PPP2R2D: variants seen among roughly 807,000 people sequenced by gnomAD.
The protein encoded by PPP2R2D is protein phosphatase 2 regulatory subunit Bdelta.
PPP2R2D carries 9 observed loss-of-function variants against 31.1 expected under a neutral mutation model. That is an observed-to-expected ratio of 0.29 (90% CI 0.17 to 0.51). The LOEUF (loss-of-function observed/expected upper bound fraction) is 0.51, where lower values mean the gene tolerates loss of function less well. PPP2R2D is among the 20% of genes least tolerant of loss of function. PPP2R2D has a pLI of 0.98. For synonymous variants in PPP2R2D, 179 were observed against 172.6 expected (o/e 1.04, Z -0.29); for missense variants, 391 against 465.6 (o/e 0.84, Z 1.48).
At position 131,901,035 on chromosome 10, in the gene PPP2R2D, G is replaced by GCGGCGGCGGCGC. The variant is rs1230966003; in HGVS notation, c.-107_-96dup. The GCGGCGGCGGCGC allele has an allele frequency of 3.1e-5, 5 of 159,320 alleles. No homozygotes were observed. In the South Asian group the frequency reaches 5.2e-4, roughly 17 times the overall value. 9.9% of individuals were successfully genotyped at this position (159,320 alleles called of 1,614,324 possible). On this transcript the variant is annotated 5_prime_UTR_variant, in exon 1 of 9. Transcript: ENST00000455566. ...AAATCCCTCCCCGGCGGCGGCGGCGGCGGCGGCGGCGCCGGCGGTGGTGGC... is the reference window on the plus strand; with the variant it reads ...AAATCCCTCCCCGGCGGCGGCGGCGGCGGCGGCGGCGCCGGCGGCGGCGCCGGCGGTGGTGGC...
At chr10:131,943,393 G>T (rs140232417) in intron 5 of PPP2R2D, among the ~76,000 whole-genome samples, 1 of 152,190 alleles carries the variant, frequency 6.6e-6, no homozygotes, top group Non-Finnish European at 1.5e-5. Flanking sequence ...TAAGTGACCA[G>T]CTCCATGAAT....
intron 2 of PPP2R2D, among the ~76,000 whole-genome samples, chr10:131,909,119 G>A (rs1190108231): frequency 6.6e-6 from 1 of 152,198 alleles, no homozygotes; most frequent in Non-Finnish European, 1.5e-5. Context: ...GGAAGGGGAG[G>A]AGAATGTTCC....
In PPP2R2D at chr10:131,901,274, A is replaced by G. The variant is rs2035488847; in HGVS notation, c.44A>G (p.Asp15Gly). The G allele has an allele frequency of 5.6e-6, 2 of 359,478 alleles. No individual in the cohort carries two copies. The highest frequency in any genetic ancestry group is 9.9e-6 in the Non-Finnish European group (2 of 201,152). The allele number at this position is 359,478 out of a possible 1,614,324, so 22.3% of individuals were successfully genotyped here. A position where few individuals can be genotyped will look rare whatever the true frequency, so the allele number is the denominator to read the frequency against. ...GGCGGCTGCCCCGCGGGCGGCAACG[A>G]CTTCCAGTGGTGCTTCTCGCAGGTC... ...GGGGCPAGGN[D>G]FQWCFSQVKG... The change falls in exon 2 of 9, where the codon GAC becomes GGC. Residue 15 changes from aspartate (D) to glycine (G), a missense_variant. Transcript: ENST00000455566.
chr10:131,938,668 G>C (rs1160515065), intron 3 of PPP2R2D, among the ~76,000 whole-genome samples: 1 of 152,342 alleles, frequency 6.6e-6, no homozygotes, highest in Non-Finnish European at 1.5e-5. Flanking sequence ...TACGTAAGCA[G>C]CACCTCACTC....
downstream of PPP2R2D, among the ~76,000 whole-genome samples, chr10:131,962,101 A>G (rs934590194): frequency 5.3e-5 from 8 of 152,208 alleles, no homozygotes; most frequent in African/African-American, 1.7e-4. Context: ...AATATCTCCA[A>G]TCAGAACCTT....
rs35300098 is a variant in PPP2R2D, at chr10:131,958,354, G to A, written c.*2391G>A. 0.14 allele frequency: 20,700 copies of A among 150,202 alleles called. 1,790 individuals are homozygous for A. The highest frequency in any genetic ancestry group is 0.21 in the African/African-American group (7,022 of 33,368). 9.3% of individuals were successfully genotyped at this position (150,202 alleles called of 1,614,324 possible). On this transcript the variant is annotated 3_prime_UTR_variant, in exon 9 of 9. Coordinates refer to ENST00000455566, the MANE Select transcript of PPP2R2D (RefSeq NM_018461.5). ...AGATGAAGGGGTGTGCTGATCCCCC[G>A]TCTTCCTGTGGAGATGAAGGTGTGT...
Position 131,945,579 on chromosome 10 carries a change from C to T in PPP2R2D, c.820+120C>T. The T allele has an allele frequency of 1.6e-6, 2 of 1,219,746 alleles. No homozygotes were observed. Among genetic ancestry groups the T allele is most frequent in the Non-Finnish European group, 2.2e-6 (2 of 891,710 alleles). 75.6% of individuals were successfully genotyped at this position (1,219,746 alleles called of 1,614,324 possible). A position where few individuals can be genotyped will look rare whatever the true frequency, so the allele number is the denominator to read the frequency against. On this transcript the variant is annotated intron_variant, in intron 7 of 8. Coordinates refer to ENST00000455566, the MANE Select transcript of PPP2R2D (RefSeq NM_018461.5). This position sits in a 1 kb window ranked among gnomAD's most constrained non-coding sequence, Gnocchi z 4.8. ...GGTTCCAGCAAGTCTTCTGCCTCGGCCTCCCGAGTAGCTGGGACCACAGGC... is the reference window on the plus strand; with the variant it reads ...GGTTCCAGCAAGTCTTCTGCCTCGGTCTCCCGAGTAGCTGGGACCACAGGC...
chr10:131,944,224 C>T (rs2036494823), intron 6 of PPP2R2D, 79 bp downstream of exon 6: 2 of 1,193,560 alleles, frequency 1.7e-6, no homozygotes, highest in Admixed American at 4.6e-5. Context: ...CTTTATACAC[C>T]TGTATCTCGG....
intron 5 of PPP2R2D, among the ~76,000 whole-genome samples, chr10:131,942,233 G>A (rs782487730): frequency 2.0e-5 from 3 of 152,138 alleles, no homozygotes; most frequent in Admixed American, 1.3e-4. Context: ...ATCAGCTCAC[G>A]TGCTCATTTT....
intron 2 of PPP2R2D, among the ~76,000 whole-genome samples, chr10:131,931,240 T>C (rs10159943): frequency 0.28 from 42,556 of 152,218 alleles, 6,074 homozygotes; most frequent in East Asian, 0.45. Flanking sequence ...CTAGTAAGCA[T>C]TCAGCCAAAC....
chr10:131,914,150 G>A (rs2035732428), intron 2 of PPP2R2D, among the ~76,000 whole-genome samples: 2 of 152,224 alleles, frequency 1.3e-5, no homozygotes, highest in Non-Finnish European at 2.9e-5. Flanking sequence ...TGGCTGGTTT[G>A]TTTTAAGTGG....
intron 8 of PPP2R2D, among the ~76,000 whole-genome samples, chr10:131,949,186 G>T (rs1477405067): frequency 6.6e-6 from 1 of 152,202 alleles, no homozygotes; most frequent in Non-Finnish European, 1.5e-5. Context: ...GGCACAGCTG[G>T]CAGCATGAGC....
At chr10:131,937,611 A>G (rs1450319147) in intron 3 of PPP2R2D, among the ~76,000 whole-genome samples, 4 of 152,172 alleles carry the variant, frequency 2.6e-5, no homozygotes, top group Non-Finnish European at 4.4e-5. Context: ...GCAGAGAGAC[A>G]AGCCTGCAGC....
chr10:131,928,593 A>G (rs2036149514), intron 2 of PPP2R2D, among the ~76,000 whole-genome samples: 2 of 152,300 alleles, frequency 1.3e-5, no homozygotes, highest in Admixed American at 1.3e-4. Flanking sequence ...CTTTCTGGAC[A>G]TTGGGCTCTG....
rs576297946 is a variant in PPP2R2D, at chr10:131,953,506, G to C, written c.1083-2178G>C. On this transcript the variant is annotated intron_variant, in intron 8 of 8. Transcript: ENST00000455566. ...TGTGGGTGTGCGGGGGGTTCACTTA[G>C]TGACTTGCAGGTGTGCAGGGGGTTT... Among the ~76,000 whole-genome samples the C allele has an allele frequency of 9.2e-5, 12 of 130,358 alleles. No individual in the cohort carries two copies. In the East Asian group the frequency reaches 3.0e-3, roughly 33 times the overall value. The allele number at this position is 130,358 out of a possible 152,430, so 85.5% of individuals were successfully genotyped here.
At chr10:131,908,012 A>G (rs1170973502) in intron 2 of PPP2R2D, among the ~76,000 whole-genome samples, 4 of 152,218 alleles carry the variant, frequency 2.6e-5, no homozygotes, top group Non-Finnish European at 4.4e-5. Flanking sequence ...AAGTTAAATC[A>G]GAAGCTTTTT....
downstream of PPP2R2D, among the ~76,000 whole-genome samples, chr10:131,960,786 A>G (rs1350060208): frequency 6.6e-6 from 1 of 152,224 alleles, no homozygotes; most frequent in African/African-American, 2.4e-5. Context: ...GTCCTTGGCC[A>G]GCGGCTTTGG....
At chr10:131,917,386 A>T (rs193097790) in intron 2 of PPP2R2D, among the ~76,000 whole-genome samples, 6 of 122,468 alleles carry the variant, frequency 4.9e-5, no homozygotes, top group African/African-American at 2.0e-4. Flanking sequence ...GACACAGTGT[A>T]GGGACCTCAG....
At chr10:131,930,151 C>T (rs2036193309) in intron 2 of PPP2R2D, among the ~76,000 whole-genome samples, 1 of 152,210 alleles carries the variant, frequency 6.6e-6, no homozygotes, top group South Asian at 2.1e-4. Context: ...CTTTTTCACA[C>T]AAGTTTTCAC....
Sources: allele counts gnomAD v4.1 joint callset (sites outside exome capture counted in the v4.1 genomes callset), GRCh38; gene constraint gnomAD v4.1.1; non-coding constraint Gnocchi (gnomAD v3.1); transcripts MANE v1.5; gene names NCBI Gene and HGNC (gene_info 2026-07-23, HGNC 2026-07-21).